Variants in STN1 observed in about 807,000 individuals in gnomAD.
The protein encoded by STN1 is CST complex subunit STN1.
Under a neutral mutation model 45.5 loss-of-function variants are expected in STN1, and 29 were observed. That is an observed-to-expected ratio of 0.64 (90% CI 0.47 to 0.87). The LOEUF (loss-of-function observed/expected upper bound fraction) is 0.87, where lower values mean the gene tolerates loss of function less well. Ranked by LOEUF, STN1 falls within the 40% of genes least tolerant of loss-of-function variation. The pLI, the probability that STN1 is intolerant of heterozygous loss-of-function variation, is 0.00. For synonymous variants in STN1, 148 were observed against 159.0 expected (o/e 0.93, Z 0.52); for missense variants, 376 against 441.4 (o/e 0.85, Z 1.33).
At position 103,905,105 on chromosome 10, in the gene STN1, G is replaced by A; in HGVS notation, c.281C>T (p.Thr94Ile). 1 of 1,613,814 alleles carries A rather than the reference G, an allele frequency of 6.2e-7. No homozygotes were observed. Among genetic ancestry groups the A allele is most frequent in the Non-Finnish European group, 8.5e-7 (1 of 1,179,716 alleles). Residue 94 changes from threonine (T) to isoleucine (I), a missense_variant, in exon 4 of 10, where the codon ACT (threonine) becomes ATT (isoleucine). By Grantham distance (89) the Thr-to-Ile change is moderately conservative (BLOSUM62 -1). Transcript: ENST00000224950. Reference sequence around the variant, plus strand: ...AATAAAATTACCTGATACAGACTCAGTATTCAACTTTTTCCAGCAGATGCA... The same window carrying A: ...AATAAAATTACCTGATACAGACTCAATATTCAACTTTTTCCAGCAGATGCA... The part of the protein sequence containing the change: ...INCICWKKLN[T>I]ESVSAAPSAA...
chr10:103,884,279 T>C (rs1843089869), intron 9 of STN1, among the ~76,000 whole-genome samples: 1 of 151,960 alleles, frequency 6.6e-6, no homozygotes, highest in Non-Finnish European at 1.5e-5. Flanking sequence ...AACTGGGGGT[T>C]GTGCCTATTA....
intron 2 of STN1, among the ~76,000 whole-genome samples, chr10:103,914,365 TATATATA>T (rs1375232765): frequency 0.1 from 1,598 of 15,268 alleles, 86 homozygotes; most frequent in Non-Finnish European, 0.14. Context: ...TATATATATA[TATATATA>T]TATTTTTTTT....
At chr10:103,914,365 TA>T (rs869092282) in intron 2 of STN1, among the ~76,000 whole-genome samples, 1,347 of 15,136 alleles carry the variant, frequency 0.089, 45 homozygotes, top group Non-Finnish European at 0.1. Context: ...TATATATATA[TA>T]TATATATATT....
intron 7 of STN1, among the ~76,000 whole-genome samples, chr10:103,892,532 C>A (rs1004994100): frequency 6.6e-6 from 1 of 151,856 alleles, no homozygotes; most frequent in African/African-American, 2.4e-5. Context: ...AAAAAGCTAC[C>A]CTCACTGTTG....
At chr10:103,902,835 G>A (rs753586429) in intron 4 of STN1, among the ~76,000 whole-genome samples, 23 of 152,232 alleles carry the variant, frequency 1.5e-4, no homozygotes, top group South Asian at 1.5e-3. Flanking sequence ...AAGACGATGA[G>A]AATCATTTTT....
At chr10:103,889,021 A>T in intron 9 of STN1, 51 bp downstream of exon 9, 1 of 1,283,744 alleles carries the variant, frequency 7.8e-7, no homozygotes, top group Non-Finnish European at 1.1e-6. Flanking sequence ...CCCGGGAGAC[A>T]GTATCCCCTT....
At chr10:103,917,247 C>G (rs1475125107) in intron 2 of STN1, among the ~76,000 whole-genome samples, 5 of 134,930 alleles carry the variant, frequency 3.7e-5, no homozygotes, top group Non-Finnish European at 6.2e-5. Flanking sequence ...GTTACTCCCC[C>G]AAACACCTAC....
rs184882229 is a variant in STN1 at position 103,905,223 on chromosome 10, T to C, written c.230-67A>G. ...AGGCTGGTGAATTAGCATGCTGTCA[T>C]TGCATTCAGCCATACTGAAAGATGA... On this transcript the variant is annotated intron_variant, in intron 3 of 9. Transcript: ENST00000224950. 7.9e-5 allele frequency: 106 copies of C among 1,342,278 alleles called. 2 individuals carry two copies. In the Admixed American group the frequency reaches 1.4e-3, roughly 18 times the overall value. The allele number at this position is 1,342,278 out of a possible 1,614,324, so 83.1% of individuals were successfully genotyped here.
chr10:103,900,318 T>A, intron 4 of STN1, 95 bp from the exon 5 acceptor site: 2 of 1,141,046 alleles, frequency 1.8e-6, no homozygotes, highest in Admixed American at 2.5e-5. Context: ...ACCAACACAA[T>A]ATGCTTATTT....
In STN1 at chr10:103,899,005, C is replaced by G; in HGVS notation, c.458-5G>C. On this transcript the variant is annotated splice_region_variant and splice_polypyrimidine_tract_variant and intron_variant, in intron 5 of 9. Transcript: ENST00000224950. The stretch of plus-strand genomic sequence containing the variant: ...ACACTGGGTCGTCCACTTTATCTAA[C>G]AAGTGACCAGAAAAAAGATGCTACA... 6.2e-7 allele frequency: 1 copy of G among 1,613,684 alleles called. No homozygotes were observed. Among genetic ancestry groups the G allele is most frequent in the East Asian group, 2.2e-5 (1 of 44,878 alleles).
At chr10:103,893,242 C>T (rs551128636) in intron 7 of STN1, among the ~76,000 whole-genome samples, 2 of 152,102 alleles carry the variant, frequency 1.3e-5, no homozygotes, top group African/African-American at 4.8e-5. Flanking sequence ...GATCTCAGCT[C>T]ACTGCAAGCT....
At chr10:103,917,354 C>T (rs924943040) in intron 2 of STN1, 108 bp downstream of exon 2, 3 of 1,027,234 alleles carry the variant, frequency 2.9e-6, no homozygotes, top group Non-Finnish European at 4.2e-6. Flanking sequence ...CCTTTCAAAG[C>T]CTGCAGCAGG....
Position 103,881,967 on chromosome 10 carries a change from C to T in STN1, c.*717G>A, listed in dbSNP as rs1415704451. Among the ~76,000 whole-genome samples, 10 of 152,322 alleles carry T rather than the reference C, an allele frequency of 6.6e-5. No individual in the cohort carries two copies. The highest frequency in any genetic ancestry group is 2.4e-4 in the African/African-American group (10 of 41,578). On this transcript the variant is annotated 3_prime_UTR_variant, in exon 10 of 10. Transcript: ENST00000224950. ...TGACTGCCTCCGTGATCTTCAGGGGCATCGAGGGACAATGTATTTAGTCAT... is the reference window on the plus strand; with the variant it reads ...TGACTGCCTCCGTGATCTTCAGGGGTATCGAGGGACAATGTATTTAGTCAT...
intron 8 of STN1, among the ~76,000 whole-genome samples, chr10:103,891,894 A>T (rs1244516008): frequency 6.6e-6 from 1 of 152,176 alleles, no homozygotes; most frequent in Non-Finnish European, 1.5e-5. Context: ...TTCCATCTGC[A>T]TTTGGTTGAA....
chr10:103,913,344 T>A (rs1234896146), intron 2 of STN1, among the ~76,000 whole-genome samples: 2 of 152,028 alleles, frequency 1.3e-5, no homozygotes, highest in African/African-American at 4.8e-5. Context: ...GACAGAAAAG[T>A]GAGCCCTGTG....
intron 2 of STN1, among the ~76,000 whole-genome samples, chr10:103,915,698 A>G (rs372259301): frequency 6.6e-6 from 1 of 152,198 alleles, no homozygotes; most frequent in South Asian, 2.1e-4. Context: ...CAACAACAAA[A>G]CAAAAACCTA....
At chr10:103,906,019 A>G (rs924903866) in intron 3 of STN1, among the ~76,000 whole-genome samples, 2 of 152,314 alleles carry the variant, frequency 1.3e-5, no homozygotes, top group Admixed American at 1.3e-4. Flanking sequence ...AAAATCATCA[A>G]CTAGACTGTT....
intron 5 of STN1, 143 bp from the exon 6 acceptor site, chr10:103,899,143 A>G: frequency 1.3e-6 from 1 of 779,000 alleles, no homozygotes; most frequent in Admixed American, 2.5e-5. Flanking sequence ...CAGGGATCAC[A>G]GTCTAGATGC....
intron 2 of STN1, among the ~76,000 whole-genome samples, chr10:103,914,390 T>TGAGACAGGG (rs1564636189): frequency 7.3e-6 from 1 of 136,114 alleles, no homozygotes; most frequent in Non-Finnish European, 1.6e-5. Context: ...TTTTTTTTTT[T>TGAGACAGGG]TTGAGACAGG....
Sources: allele counts gnomAD v4.1 joint callset (sites outside exome capture counted in the v4.1 genomes callset), GRCh38; gene constraint gnomAD v4.1.1; transcripts MANE v1.5; gene names NCBI Gene and HGNC (gene_info 2026-07-23, HGNC 2026-07-21).